Variants in ASCC1 observed in about 807,000 individuals in gnomAD.
ASCC1 encodes activating signal cointegrator 1 complex subunit 1.
A neutral mutation model predicts 46.6 loss-of-function variants in ASCC1; 35 were observed. The ratio of observed to expected loss-of-function variants is 0.75; its 90% CI spans 0.57 to 0.99. ASCC1 has a LOEUF of 0.99. Among genes scored for constraint, ASCC1 ranks in the 50% least tolerant of loss-of-function variants. The pLI, the probability that ASCC1 is intolerant of heterozygous loss-of-function variation, is 0.00. For missense variants in ASCC1, 376 were observed against 428.7 expected (o/e 0.88, Z 1.09); for synonymous variants, 143 against 146.6 (o/e 0.98, Z 0.18).
At chr10:72,189,802 CAA>C (rs996153326) in intron 5 of ASCC1, 12,764 of 164,264 alleles carry the variant, frequency 0.078, no homozygotes, top group South Asian at 0.11. Context: ...AACTCCATCT[CAA>C]AAAAAAAAAA....
intron 7 of ASCC1, 62 bp from the exon 8 acceptor site, chr10:72,133,243 A>G: frequency 3.2e-6 from 5 of 1,552,446 alleles, no homozygotes; most frequent in Non-Finnish European, 4.4e-6. Context: ...TGCGATTACC[A>G]ATTCAACAAT....
intron 9 of ASCC1, among the ~76,000 whole-genome samples, chr10:72,126,544 T>A (rs1286161510): frequency 1.3e-5 from 2 of 152,150 alleles, no homozygotes; most frequent in Non-Finnish European, 2.9e-5. Flanking sequence ...ATCACCCCAC[T>A]CTTACAGATG....
chr10:72,130,837 A>T (rs1190378119), intron 8 of ASCC1, among the ~76,000 whole-genome samples: 2 of 152,222 alleles, frequency 1.3e-5, no homozygotes, highest in Non-Finnish European at 2.9e-5. Flanking sequence ...CATCGCAGAT[A>T]CAGAATACTT....
chr10:72,162,487 T>C (rs1849818976), intron 5 of ASCC1, among the ~76,000 whole-genome samples: 1 of 151,990 alleles, frequency 6.6e-6, no homozygotes, highest in African/African-American at 2.4e-5. Flanking sequence ...TTTTATTTTT[T>C]AAGAGACTGG....
chr10:72,203,490 TC>T lies in ASCC1; in HGVS notation c.246del (p.Ile84Ter). 1 of 1,613,322 alleles carries T rather than the reference TC, an allele frequency of 6.2e-7. No individual in the cohort carries two copies. The highest frequency in any genetic ancestry group is 8.5e-7 in the Non-Finnish European group (1 of 1,179,446). On this transcript the variant is annotated frameshift_variant, in exon 4 of 10. Transcript: ENST00000672957. LOFTEE classifies it high-confidence loss of function. ...GAAGTTTTGGTCTCCATTTCTATTT[TC>T]TTCCTAGTGTCCCCTCTCTTTCCAA... ...HIVGKRGDTR[K>X]KIEMETKTSI...
chr10:72,207,665 G>A (rs1265151848), intron 3 of ASCC1, among the ~76,000 whole-genome samples: 2 of 152,112 alleles, frequency 1.3e-5, no homozygotes, highest in African/African-American at 2.4e-5. Flanking sequence ...ATTCTCCTGT[G>A]CACCTGAGGC....
chr10:72,177,796 A>G (rs1248462039), intron 5 of ASCC1, among the ~76,000 whole-genome samples: 3 of 152,230 alleles, frequency 2.0e-5, no homozygotes, highest in Non-Finnish European at 4.4e-5. Flanking sequence ...TTGAATCTTA[A>G]TGCAAGAGAC....
chr10:72,112,084 G>A (rs1292983217), intron 9 of ASCC1, among the ~76,000 whole-genome samples: 2 of 152,142 alleles, frequency 1.3e-5, no homozygotes, highest in Non-Finnish European at 2.9e-5. Context: ...AAACTAAAAC[G>A]GTTTTATTTG....
rs527407133 is a variant in ASCC1 at position 72,212,677 on chromosome 10, G to C, written c.112+510C>G. ...AGCCTGGCCAACATGGTGAAACCCTGTCTCTACTAAAAATACAAAAATTAG... is the reference window on the plus strand; with the variant it reads ...AGCCTGGCCAACATGGTGAAACCCTCTCTCTACTAAAAATACAAAAATTAG... On this transcript the variant is annotated intron_variant, in intron 2 of 9. Transcript: ENST00000672957. 1.7e-3 allele frequency among the ~76,000 whole-genome samples: 266 copies of C among 152,104 alleles called. 1 individual carries two copies. The highest frequency in any genetic ancestry group is 2.8e-3 in the Non-Finnish European group (190 of 67,986).
At position 72,114,004 on chromosome 10, in the gene ASCC1, T is replaced by A. The variant is rs543919087; in HGVS notation, c.957+14078A>T. Among the ~76,000 whole-genome samples the A allele has an allele frequency of 3.3e-5, 5 of 152,322 alleles. 1 individual carries two copies. The South Asian group carries it at 1.0e-3, about 32-fold the overall frequency. On this transcript the variant is annotated intron_variant, in intron 9 of 9. Coordinates refer to ENST00000672957, the MANE Select transcript of ASCC1 (RefSeq NM_001198800.3). ...ATTTACTTGCAAGTTCAGTGCACTT[T>A]ATTTTTCATTCAATATTTTTTATTA...
intron 5 of ASCC1, among the ~76,000 whole-genome samples, chr10:72,179,620 G>C (rs1156851118): frequency 6.6e-6 from 1 of 152,174 alleles, no homozygotes; most frequent in African/African-American, 2.4e-5. Context: ...CCTTAGGCAA[G>C]TTACTCTCTC....
chr10:72,184,709 C>A (rs1413546614), intron 5 of ASCC1, among the ~76,000 whole-genome samples: 3 of 149,222 alleles, frequency 2.0e-5, no homozygotes, highest in East Asian at 2.0e-4. Context: ...CAAGTAGATA[C>A]AAAATCAGTA....
chr10:72,127,990 A>G lies in ASCC1; in HGVS notation c.957+92T>C. The stretch of plus-strand genomic sequence containing the variant: ...AAAAGTATGAGAAAAAGTATGAAGA[A>G]GTATGAAGAAATATACGGAGAACTA... On this transcript the variant is annotated intron_variant, in intron 9 of 9. Transcript: ENST00000672957. 7.0e-6 allele frequency: 7 copies of G among 1,002,930 alleles called. No homozygotes were observed. In the South Asian group the frequency reaches 9.3e-5, roughly 13 times the overall value. 62.1% of individuals were successfully genotyped at this position (1,002,930 alleles called of 1,614,324 possible).
chr10:72,127,664 C>CTTTTTTTTTTT (rs3063665), intron 9 of ASCC1, among the ~76,000 whole-genome samples: 1 of 130,006 alleles, frequency 7.7e-6, no homozygotes, highest in African/African-American at 3.1e-5. Context: ...CTAAGGGTTT[C>CTTTTTTTTTTT]TTTTTTTTTT....
chr10:72,105,126 C>T (rs751326822), intron 9 of ASCC1, among the ~76,000 whole-genome samples: 1 of 152,228 alleles, frequency 6.6e-6, no homozygotes, highest in Non-Finnish European at 1.5e-5. Context: ...GACAAGAGTT[C>T]AGGACCCATT....
chr10:72,192,498 ATTG>A (rs1270016343), intron 5 of ASCC1, among the ~76,000 whole-genome samples: 1 of 151,252 alleles, frequency 6.6e-6, no homozygotes, highest in Non-Finnish European at 1.5e-5. Flanking sequence ...GAACAACCCA[ATTG>A]TTGTTGTTTG....
intron 9 of ASCC1, among the ~76,000 whole-genome samples, chr10:72,127,545 C>T (rs1284968808): frequency 1.3e-5 from 2 of 151,644 alleles, no homozygotes; most frequent in African/African-American, 2.4e-5. Flanking sequence ...TAAAACAAGA[C>T]AAATAATTAT....
At chr10:72,187,515 T>TA (rs1853647242) in intron 5 of ASCC1, among the ~76,000 whole-genome samples, 2 of 151,768 alleles carry the variant, frequency 1.3e-5, no homozygotes, top group African/African-American at 2.4e-5. Context: ...GGTCAGGAGA[T>TA]AGAGACCATC....
chr10:72,125,486 T>C (rs1844755861), intron 9 of ASCC1, among the ~76,000 whole-genome samples: 1 of 152,232 alleles, frequency 6.6e-6, no homozygotes, highest in African/African-American at 2.4e-5. Flanking sequence ...CTAAATCCTG[T>C]TTTTATTTTA....
Sources: gnomAD v4.1 joint callset for allele counts (sites outside exome capture counted in the v4.1 genomes callset) on GRCh38, gnomAD v4.1.1 for gene constraint, MANE v1.5 for transcripts, NCBI Gene and HGNC (gene_info 2026-07-23, HGNC 2026-07-21) for gene names.